Variants in SIPA1L1 observed in about 807,000 individuals in gnomAD.
SIPA1L1 encodes the protein signal-induced proliferation-associated 1-like protein 1.
Under a neutral mutation model 162.7 loss-of-function variants are expected in SIPA1L1, and 26 were observed. The ratio of observed to expected loss-of-function variants is 0.16; its 90% CI spans 0.12 to 0.22. The LOEUF is 0.22. SIPA1L1 is among the 10% of genes least tolerant of loss of function. The probability of loss-of-function intolerance (pLI) is 1.00; values close to 1 mark genes in which losing one functional copy is unlikely to be tolerated. For synonymous variants in SIPA1L1, 829 were observed against 837.4 expected (o/e 0.99, Z 0.17); for missense variants, 1,874 against 2,241.0 (o/e 0.84, Z 3.31).
intron 2 of SIPA1L1, among the ~76,000 whole-genome samples, chr14:71,423,744 T>C (rs150726446): frequency 1.8e-3 from 280 of 152,316 alleles, no homozygotes; most frequent in Non-Finnish European, 2.5e-3. Flanking sequence ...TCAGAAAGTA[T>C]GAGTCTTCCT....
Position 71,740,592 on chromosome 14 carries a change from C to T in SIPA1L1, c.*1431C>T, listed in dbSNP as rs181038691. 2 of 152,304 alleles carry T rather than the reference C, an allele frequency of 1.3e-5. No homozygotes were observed. The highest frequency in any genetic ancestry group is 4.8e-5 in the African/African-American group (2 of 41,566). 9.4% of individuals were successfully genotyped at this position (152,304 alleles called of 1,614,324 possible). A position where few individuals can be genotyped will look rare whatever the true frequency, so the allele number is the denominator to read the frequency against. On this transcript the variant is annotated 3_prime_UTR_variant, in exon 24 of 24. Coordinates refer to ENST00000381232, the MANE Select transcript of SIPA1L1 (RefSeq NM_001386936.1). ...TTCCCTCACCCAAGTAATCTCAATT[C>T]CTTCCTCTCTCCATCCCTGAAAGAA... is the stretch of plus-strand genomic sequence containing the variant.
At chr14:71,502,655 A>G (rs959372216) in intron 2 of SIPA1L1, among the ~76,000 whole-genome samples, 3 of 152,162 alleles carry the variant, frequency 2.0e-5, no homozygotes, top group African/African-American at 4.8e-5. Context: ...CAGATAACTA[A>G]AATAAAATAC....
chr14:71,376,292 A>T (rs564446008), intron 2 of SIPA1L1, among the ~76,000 whole-genome samples: 8 of 150,770 alleles, frequency 5.3e-5, no homozygotes, highest in Non-Finnish European at 1.2e-4. Context: ...TGTCCATTTC[A>T]TGTAAGTTGT....
At chr14:71,681,722 TCTGA>T (rs1486941258) in intron 12 of SIPA1L1, among the ~76,000 whole-genome samples, 2 of 152,346 alleles carry the variant, frequency 1.3e-5, no homozygotes, top group Non-Finnish European at 2.9e-5. Context: ...ATAAAACTTT[TCTGA>T]CTCGTGAGTC....
At chr14:71,599,460 CTTT>C (rs111750084) in intron 5 of SIPA1L1, among the ~76,000 whole-genome samples, 27 of 130,288 alleles carry the variant, frequency 2.1e-4, no homozygotes, top group East Asian at 2.3e-4. Flanking sequence ...CGATTTCATT[CTTT>C]TTTTTTTTTT....
At chr14:71,528,421 G>A (rs1418331024) in intron 3 of SIPA1L1, among the ~76,000 whole-genome samples, 1 of 152,086 alleles carries the variant, frequency 6.6e-6, no homozygotes, top group African/African-American at 2.4e-5. Flanking sequence ...TTGGGAGGCC[G>A]AGGCAGGTGG....
At chr14:71,403,258 C>T (rs761093866) in intron 2 of SIPA1L1, among the ~76,000 whole-genome samples, 2 of 151,960 alleles carry the variant, frequency 1.3e-5, no homozygotes, top group Non-Finnish European at 2.9e-5. Flanking sequence ...CACAGTGTAC[C>T]TATTAGTTAT....
chr14:71,478,128 A>G (rs2048031999), intron 2 of SIPA1L1, among the ~76,000 whole-genome samples: 3 of 152,184 alleles, frequency 2.0e-5, no homozygotes, highest in Admixed American at 2.0e-4. Context: ...AATGAGGTTG[A>G]ACATTTTTTC....
At chr14:71,321,997 T>C (rs1190143832) in intron 2 of SIPA1L1, among the ~76,000 whole-genome samples, 2 of 152,216 alleles carry the variant, frequency 1.3e-5, no homozygotes, top group Non-Finnish European at 2.9e-5. Context: ...GATTACCTTA[T>C]AGATTTTATT....
Position 71,606,788 on chromosome 14 carries a change from C to T in SIPA1L1, c.1499-11969C>T, listed in dbSNP as rs564608606. On this transcript the variant is annotated intron_variant, in intron 5 of 23. Coordinates refer to ENST00000381232, the MANE Select transcript of SIPA1L1 (RefSeq NM_001386936.1). The stretch of plus-strand genomic sequence containing the variant: ...TGACAATGATTATTGTACTGTATGT[C>T]GTTATGTAAGATGTTAGCACTGGGG... 3.9e-5 allele frequency among the ~76,000 whole-genome samples: 6 copies of T among 152,016 alleles called. No individual in the cohort carries two copies. The South Asian group carries it at 8.3e-4, about 21-fold the overall frequency.
intron 22 of SIPA1L1, among the ~76,000 whole-genome samples, chr14:71,737,646 G>A (rs1050599061): frequency 2.0e-4 from 31 of 152,156 alleles, no homozygotes; most frequent in Admixed American, 7.2e-4. Flanking sequence ...ATGAGAAAAT[G>A]AGAAGAAAAT....
chr14:71,625,988 A>G (rs1319886326), intron 7 of SIPA1L1, among the ~76,000 whole-genome samples: 1 of 152,174 alleles, frequency 6.6e-6, no homozygotes. Context: ...GATCTGTGAT[A>G]AATATTTTAT....
intron 5 of SIPA1L1, chr14:71,598,093 T>C (rs993695061): frequency 2.2e-6 from 1 of 453,398 alleles, no homozygotes; most frequent in Non-Finnish European, 2.9e-6. Flanking sequence ...CTCCAGACAC[T>C]GAATAATATG....
At chr14:71,417,850 G>T (rs12880291) in intron 2 of SIPA1L1, among the ~76,000 whole-genome samples, 28,032 of 152,140 alleles carry the variant, frequency 0.18, 3,092 homozygotes, top group Middle Eastern at 0.36. Flanking sequence ...GGGATGATTA[G>T]AGAATCTTCC....
chr14:71,663,164 ACACTG>A (rs2043688450), intron 10 of SIPA1L1, among the ~76,000 whole-genome samples: 1 of 152,212 alleles, frequency 6.6e-6, no homozygotes, highest in Non-Finnish European at 1.5e-5. Flanking sequence ...ATTAATGTTG[ACACTG>A]TTTTTGACCA....
intron 2 of SIPA1L1, among the ~76,000 whole-genome samples, chr14:71,338,538 G>T (rs971970221): frequency 4.6e-5 from 7 of 152,126 alleles, no homozygotes; most frequent in Admixed American, 1.3e-4. Flanking sequence ...CATGGGCTCA[G>T]TTACACTAGT....
intron 2 of SIPA1L1, among the ~76,000 whole-genome samples, chr14:71,427,376 A>G (rs1471922780): frequency 6.6e-6 from 1 of 152,110 alleles, no homozygotes; most frequent in Non-Finnish European, 1.5e-5. Flanking sequence ...TTGGCCTCCA[A>G]AGTTTCTGAT....
chr14:71,529,560 A>C (rs538954461), intron 4 of SIPA1L1, among the ~76,000 whole-genome samples, 190 bp downstream of exon 4: 3 of 152,340 alleles, frequency 2.0e-5, no homozygotes, highest in African/African-American at 7.2e-5. Flanking sequence ...ACAGTGTAAT[A>C]GTGATTTATT....
At chr14:71,601,569 T>G (rs1297044436) in intron 5 of SIPA1L1, among the ~76,000 whole-genome samples, 2 of 152,160 alleles carry the variant, frequency 1.3e-5, no homozygotes, top group African/African-American at 4.8e-5. Flanking sequence ...TGTTGTGTCC[T>G]TATCTGGTTT....
Sources: gnomAD v4.1 joint callset for allele counts (sites outside exome capture counted in the v4.1 genomes callset) on GRCh38, gnomAD v4.1.1 for gene constraint, MANE v1.5 for transcripts, NCBI Gene and HGNC (gene_info 2026-07-23, HGNC 2026-07-21) for gene names.